Variants in TMC5 observed in about 807,000 individuals in gnomAD.
The protein encoded by TMC5 is transmembrane channel like 5.
TMC5 carries 86 observed loss-of-function variants against 110.5 expected under a neutral mutation model. The ratio of observed to expected loss-of-function variants is 0.78; its 90% CI spans 0.65 to 0.93. The LOEUF is 0.93. TMC5 is among the 40% of genes least tolerant of loss of function. The pLI, the probability that TMC5 is intolerant of heterozygous loss-of-function variation, is 0.00. For missense variants in TMC5, 1,144 were observed against 1,222.8 expected, an observed-to-expected ratio of 0.94 and a Z score of 0.96; for synonymous variants, 455 against 439.5, an observed-to-expected ratio of 1.04 and a Z score of -0.44.
chr16:19,452,546 G>A (rs975195058), intron 5 of TMC5, among the ~76,000 whole-genome samples: 2 of 151,528 alleles, frequency 1.3e-5, no homozygotes, highest in African/African-American at 2.4e-5. Context: ...GTGAAACCCC[G>A]TCTCTACTAA....
At chr16:19,490,292 A>G in intron 17 of TMC5, 103 bp from the exon 18 acceptor site, 2 of 1,161,272 alleles carry the variant, frequency 1.7e-6, no homozygotes, top group Admixed American at 3.8e-5. Flanking sequence ...ATCAGGCAAG[A>G]CTTGATGTTT....
Position 19,466,131 on chromosome 16 carries a change from C to T in TMC5, c.1535C>T (p.Thr512Ile), listed in dbSNP as rs1202909052. Residue 512 changes from threonine to isoleucine, a missense_variant, in exon 9 of 22, where the codon ACC becomes ATC. By Grantham distance (89) the Thr-to-Ile change is moderately conservative. Transcript: ENST00000542583. Reference protein sequence around the residue: ...VMYYGFYTNSTIQHGNSGASY... With the variant: ...VMYYGFYTNSIIQHGNSGASY... ...TACTATGGCTTTTACACCAATTCCA[C>T]CATCCAGCACGGGAACAGCGGGGCA... 2.5e-6 allele frequency: 4 copies of T among 1,614,130 alleles called. No individual in the cohort carries two copies. Among genetic ancestry groups the T allele is most frequent in the South Asian group, 1.1e-5 (1 of 91,078 alleles).
chr16:19,497,261 C>G (rs2187660), intron 21 of TMC5, 98 bp downstream of exon 21: 954,785 of 1,342,804 alleles, frequency 0.71, 345,667 homozygotes, highest in South Asian at 0.78. Context: ...ATTACTTTTT[C>G]AGTTGCAAAT....
At chr16:19,474,321 G>A in intron 12 of TMC5, 45 bp downstream of exon 12, 1 of 1,588,434 alleles carries the variant, frequency 6.3e-7, no homozygotes, top group Non-Finnish European at 8.6e-7. Context: ...TTTCCACAGA[G>A]AGAAGTGGGA....
chr16:19,455,647 T>A (rs1324350251), intron 5 of TMC5, among the ~76,000 whole-genome samples: 2 of 152,204 alleles, frequency 1.3e-5, no homozygotes, highest in East Asian at 3.9e-4. Context: ...AGGCAAACTG[T>A]CCCCTTAGAA....
chr16:19,421,408 C>T (rs753592814), intron 1 of TMC5, among the ~76,000 whole-genome samples: 4 of 152,056 alleles, frequency 2.6e-5, no homozygotes, highest in East Asian at 1.9e-4. Flanking sequence ...CGAGATCTGA[C>T]GGTTTTATAA....
intron 13 of TMC5, among the ~76,000 whole-genome samples, chr16:19,477,980 A>G (rs2143678806): frequency 6.6e-6 from 1 of 152,256 alleles, no homozygotes; most frequent in South Asian, 2.1e-4. Flanking sequence ...AAACTCATAA[A>G]TGCTGGCAGT....
rs1487726579 is a variant in TMC5 at position 19,486,856 on chromosome 16, CTTCT to C, written c.2364-84_2364-81del. The C allele has an allele frequency of 2.6e-5, 31 of 1,182,812 alleles. No individual in the cohort carries two copies. In the East Asian group the frequency reaches 6.1e-4, roughly 23 times the overall value. 73.3% of individuals were successfully genotyped at this position (1,182,812 alleles called of 1,614,324 possible). A position where few individuals can be genotyped will look rare whatever the true frequency, so the allele number is the denominator to read the frequency against. On this transcript the variant is annotated intron_variant, in intron 15 of 21. Coordinates refer to ENST00000542583, the MANE Select transcript of TMC5 (RefSeq NM_001261841.2). ...GGACACACAATCCAGGCCACAATAT[CTTCT>C]TTCTCTTCCCCCCAACCATCCCAGA... is the stretch of plus-strand genomic sequence containing the variant.
chr16:19,453,446 G>T (rs945782809), intron 5 of TMC5, among the ~76,000 whole-genome samples: 18 of 152,024 alleles, frequency 1.2e-4, no homozygotes, highest in African/African-American at 4.3e-4. Flanking sequence ...AAAGTTAGCT[G>T]GGCATGGTGG....
chr16:19,496,979 A>G lies in TMC5; in HGVS notation c.2932-142A>G, dbSNP rs184255657. 1.8e-4 allele frequency: 117 copies of G among 656,294 alleles called. 2 individuals carry two copies. The East Asian group carries it at 2.7e-3, about 15-fold the overall frequency. 40.7% of individuals were successfully genotyped at this position (656,294 alleles called of 1,614,324 possible). ...AAAACAAAACATGTTCAATATTTCTATGGCGGAGACTTGGCCTTAATCTCT... is the reference window on the plus strand; with the variant it reads ...AAAACAAAACATGTTCAATATTTCTGTGGCGGAGACTTGGCCTTAATCTCT... On this transcript the variant is annotated intron_variant, in intron 20 of 21. Coordinates refer to ENST00000542583, the MANE Select transcript of TMC5 (RefSeq NM_001261841.2).
intron 2 of TMC5, among the ~76,000 whole-genome samples, chr16:19,437,244 A>G (rs1386977239): frequency 2.0e-5 from 3 of 152,188 alleles, no homozygotes; most frequent in Non-Finnish European, 2.9e-5. Flanking sequence ...TCTTCCCTAC[A>G]GTTCTGATAA....
At chr16:19,478,740 A>G (rs1968546392) in intron 13 of TMC5, among the ~76,000 whole-genome samples, 1 of 152,042 alleles carries the variant, frequency 6.6e-6, no homozygotes, top group African/African-American at 2.4e-5. Flanking sequence ...TCATCCAGCC[A>G]TCTATTCATC....
chr16:19,484,389 C>T (rs537849785), intron 15 of TMC5, among the ~76,000 whole-genome samples: 1 of 152,316 alleles, frequency 6.6e-6, no homozygotes, highest in Non-Finnish European at 1.5e-5. Flanking sequence ...ACTAGGATGC[C>T]ATTGGGCAAG....
In TMC5 at chr16:19,474,211, C is replaced by T. The variant is rs760865453; in HGVS notation, c.2025C>T (p.Tyr675=). The change falls in exon 12 of 22, where the codon TAC becomes TAT. Residue 675 remains tyrosine, a synonymous_variant. Transcript: ENST00000542583. The part of the protein sequence containing the change: ...SCINLAVPCI[Y]SMFRLVERYE... ...TTAATCTGGCCGTGCCATGCATCTA[C>T]TCCATGTTCAGGCTTGTGGAGAGGT... is the stretch of plus-strand genomic sequence containing the variant. 1 of 1,614,122 alleles carries T rather than the reference C, an allele frequency of 6.2e-7. No homozygotes were observed. Among genetic ancestry groups the T allele is most frequent in the South Asian group, 1.1e-5 (1 of 91,086 alleles).
At chr16:19,443,987 A>G in intron 3 of TMC5, 94 bp from the exon 4 acceptor site, 4 of 1,206,406 alleles carry the variant, frequency 3.3e-6, no homozygotes, top group Non-Finnish European at 3.5e-6. Context: ...ATGGATGAAT[A>G]CATGATTGAA....
intron 2 of TMC5, among the ~76,000 whole-genome samples, chr16:19,432,665 T>G (rs1967218650): frequency 1.3e-5 from 2 of 152,232 alleles, no homozygotes; most frequent in South Asian, 4.1e-4. Flanking sequence ...GTTTAGGTAT[T>G]TGTTGCAGTG....
At chr16:19,485,113 T>A (rs1420430864) in intron 15 of TMC5, among the ~76,000 whole-genome samples, 1 of 70,022 alleles carries the variant, frequency 1.4e-5, no homozygotes, top group Non-Finnish European at 2.2e-5. Flanking sequence ...ATTATTTGCC[T>A]TTTTTTTTTT....
chr16:19,470,129 C>G (rs1474425441), intron 10 of TMC5, among the ~76,000 whole-genome samples: 1 of 151,392 alleles, frequency 6.6e-6, no homozygotes. Context: ...CTCCTGACCT[C>G]GTGATCCACC....
chr16:19,438,390 C>CAAAAAAA (rs60807937), intron 2 of TMC5, among the ~76,000 whole-genome samples: 1 of 60,034 alleles, frequency 1.7e-5, no homozygotes, highest in African/African-American at 7.4e-5. Context: ...GACACCCTGT[C>CAAAAAAA]AAAAAAAAAA....
Sources: gnomAD v4.1 joint callset for allele counts (sites outside exome capture counted in the v4.1 genomes callset) on GRCh38, gnomAD v4.1.1 for gene constraint, MANE v1.5 for transcripts, NCBI Gene and HGNC (gene_info 2026-07-23, HGNC 2026-07-21) for gene names.